Variants in NAPA observed in about 807,000 individuals in gnomAD.
NAPA encodes the protein alpha-soluble NSF attachment protein.
Under a neutral mutation model 48.0 loss-of-function variants are expected in NAPA, and 18 were observed. That is an observed-to-expected ratio of 0.38 (90% CI 0.26 to 0.56). The LOEUF (loss-of-function observed/expected upper bound fraction) is 0.56, where lower values mean the gene tolerates loss of function less well. Ranked by LOEUF, NAPA falls within the 20% of genes least tolerant of loss-of-function variation. NAPA has a pLI of 0.77. For synonymous variants in NAPA, 152 were observed against 149.9 expected (o/e 1.01, Z -0.10); for missense variants, 315 against 385.0 (o/e 0.82, Z 1.52).
At chr19:47,514,637 C>T (rs942951636) in intron 1 of NAPA, among the ~76,000 whole-genome samples, 3 of 152,178 alleles carry the variant, frequency 2.0e-5, no homozygotes, top group African/African-American at 7.2e-5. Context: ...CATGTCAGAC[C>T]GTCTCTCCTC....
intron 3 of NAPA, 96 bp downstream of exon 3, chr19:47,500,537 G>A: frequency 9.6e-7 from 1 of 1,042,446 alleles, no homozygotes; most frequent in Non-Finnish European, 1.4e-6. Flanking sequence ...TCGGCCACTG[G>A]AAAAACCAGA....
At chr19:47,513,220 C>T (rs1325753602) in intron 1 of NAPA, among the ~76,000 whole-genome samples, 4 of 152,206 alleles carry the variant, frequency 2.6e-5, no homozygotes, top group Admixed American at 2.6e-4. Context: ...GATCCCTTTT[C>T]TGTTCCCTTT....
At chr19:47,495,474 G>T in intron 4 of NAPA, 76 bp downstream of exon 4, 1 of 1,455,284 alleles carries the variant, frequency 6.9e-7, no homozygotes, top group Middle Eastern at 1.8e-4. Context: ...AGTGCTGGGG[G>T]TGCTGAAAGA....
At chr19:47,508,112 G>A (rs1236513523) in intron 1 of NAPA, among the ~76,000 whole-genome samples, 1 of 152,146 alleles carries the variant, frequency 6.6e-6, no homozygotes, top group Admixed American at 6.5e-5. Flanking sequence ...CTGGGGCTGC[G>A]TGGAGCATCC....
At chr19:47,511,740 C>T (rs937079310) in intron 1 of NAPA, among the ~76,000 whole-genome samples, 13 of 152,236 alleles carry the variant, frequency 8.5e-5, no homozygotes, top group African/African-American at 3.1e-4. Flanking sequence ...TCTCTACCTC[C>T]ACGGGGATTT....
At chr19:47,492,450 C>T (rs570625998) in intron 7 of NAPA, 16 of 412,008 alleles carry the variant, frequency 3.9e-5, no homozygotes, top group African/African-American at 8.1e-5. Context: ...GTGGGCAGAG[C>T]GGCGGCAGGC....
downstream of NAPA, among the ~76,000 whole-genome samples, chr19:47,486,553 G>A (rs1357332016): frequency 6.6e-6 from 1 of 152,018 alleles, no homozygotes; most frequent in Non-Finnish European, 1.5e-5. Flanking sequence ...CGCCTGCCTC[G>A]GCCTCCCAAA....
intron 4 of NAPA, chr19:47,494,994 C>A: frequency 6.5e-6 from 1 of 154,056 alleles, no homozygotes; most frequent in East Asian, 1.9e-4. Flanking sequence ...ACACACTCTC[C>A]AGTAACCTAA....
At chr19:47,490,218 T>C (rs925374642) in intron 9 of NAPA, among the ~76,000 whole-genome samples, 2 of 139,878 alleles carry the variant, frequency 1.4e-5, no homozygotes, top group Non-Finnish European at 3.1e-5. Context: ...GGGTGTGTCA[T>C]GTGTGGTGTG....
At chr19:47,509,506 G>T (rs745526176) in intron 1 of NAPA, among the ~76,000 whole-genome samples, 16 of 152,152 alleles carry the variant, frequency 1.1e-4, no homozygotes, top group Non-Finnish European at 1.6e-4. Context: ...AATCTTGCAG[G>T]CAGCACCCCA....
chr19:47,514,257 G>A (rs989385616), intron 1 of NAPA, among the ~76,000 whole-genome samples: 2 of 151,934 alleles, frequency 1.3e-5, no homozygotes, highest in Non-Finnish European at 2.9e-5. Context: ...GGATCATCTA[G>A]CCCTGAGCCC....
chr19:47,495,191 G>A, intron 4 of NAPA: 1 of 311,812 alleles, frequency 3.2e-6, no homozygotes, highest in Non-Finnish European at 6.1e-6. Context: ...AGGAGGTCTT[G>A]CTATGTTGCC....
At chr19:47,507,695 G>A (rs996377462) in intron 1 of NAPA, among the ~76,000 whole-genome samples, 4 of 152,320 alleles carry the variant, frequency 2.6e-5, no homozygotes, top group East Asian at 1.9e-4. Flanking sequence ...CCTCCTGCAC[G>A]GCTCTCGAGA....
intron 1 of NAPA, among the ~76,000 whole-genome samples, chr19:47,511,286 C>T (rs1202704267): frequency 3.9e-5 from 6 of 152,142 alleles, no homozygotes; most frequent in Admixed American, 2.6e-4. Flanking sequence ...GAGTGATTCC[C>T]GCCCGCCAAG....
downstream of NAPA, among the ~76,000 whole-genome samples, chr19:47,485,947 C>T (rs1209176719): frequency 1.3e-5 from 2 of 152,188 alleles, no homozygotes; most frequent in Non-Finnish European, 2.9e-5. Flanking sequence ...ACCTATAAGC[C>T]ACATGTTGAG....
At chr19:47,492,219 G>A (rs748043601) in intron 7 of NAPA, 100 bp from the exon 8 acceptor site, 273 of 1,043,096 alleles carry the variant, frequency 2.6e-4, no homozygotes, top group Non-Finnish European at 3.6e-4. Flanking sequence ...GCTGGTTCAT[G>A]TCCCGAGGTG....
At chr19:47,505,053 G>A (rs554713564) in intron 1 of NAPA, among the ~76,000 whole-genome samples, 1 of 152,162 alleles carries the variant, frequency 6.6e-6, no homozygotes, top group South Asian at 2.1e-4. Context: ...CCTCAAACCC[G>A]TAAGTCCCAC....
At chr19:47,486,269 C>G (rs1230783049), downstream of NAPA, among the ~76,000 whole-genome samples, 2 of 151,984 alleles carry the variant, frequency 1.3e-5, no homozygotes, top group Non-Finnish European at 2.9e-5. Flanking sequence ...GCAGGAGAAT[C>G]GCTTGAACCC....
intron 2 of NAPA, chr19:47,501,447 T>G (rs557900952): frequency 6.6e-6 from 1 of 152,382 alleles, no homozygotes; most frequent in East Asian, 1.9e-4. Context: ...TTCTGTTCCC[T>G]TCACTGCAGA....
Sources: gnomAD v4.1 joint callset for allele counts (sites outside exome capture counted in the v4.1 genomes callset) on GRCh38, gnomAD v4.1.1 for gene constraint, MANE v1.5 for transcripts, NCBI Gene and HGNC (gene_info 2026-07-23, HGNC 2026-07-21) for gene names.